The following SH3GL1 variants were observed in gnomAD, a reference collection of about 807,000 sequenced individuals.
SH3GL1 encodes the protein SH3 domain containing GRB2 like 1, endophilin A2, also known as endophilin-A2.
SH3GL1 carries 21 observed loss-of-function variants against 48.8 expected under a neutral mutation model. The ratio of observed to expected loss-of-function variants is 0.43; its 90% CI spans 0.30 to 0.62. The LOEUF (loss-of-function observed/expected upper bound fraction) is 0.62, where lower values mean the gene tolerates loss of function less well. Ranked by LOEUF, SH3GL1 falls within the 20% of genes least tolerant of loss-of-function variation. SH3GL1 has a pLI of 0.11. For synonymous variants in SH3GL1, 282 were observed against 217.5 expected (o/e 1.30, Z -2.61); for missense variants, 454 against 503.0 (o/e 0.90, Z 0.93).
intron 4 of SH3GL1, 33 bp from the exon 5 acceptor site, chr19:4,364,254 C>A (rs371188926): frequency 1.9e-6 from 3 of 1,613,366 alleles, no homozygotes; most frequent in African/African-American, 2.7e-5. Context: ...GCCATCATAC[C>A]GGGCCTGGGA....
chr19:4,395,371 A>G (rs545332361), intron 1 of SH3GL1, among the ~76,000 whole-genome samples: 15 of 152,292 alleles, frequency 9.8e-5, no homozygotes, highest in Admixed American at 3.3e-4. Context: ...TTTCCTCTCA[A>G]AGAGTTCCCT....
Position 4,363,382 on chromosome 19 carries a change from T to G in SH3GL1, c.716A>C (p.Lys239Thr), listed in dbSNP as rs766323957. Reference sequence around the variant, plus strand: ...GCCCTGGGCTCACCTGCGCTTGAGCTTCTCCGCCAGCTCGTCCAGGATCTG... The same window carrying G: ...GCCCTGGGCTCACCTGCGCTTGAGCGTCTCCGCCAGCTCGTCCAGGATCTG... The part of the protein sequence containing the change: ...AVQILDELAE[K>T]LKRRMREASS... Residue 239 changes from lysine (K) to threonine (T), a missense_variant, in exon 7 of 10, where the codon AAG (lysine) becomes ACG (threonine). Lys to Thr is a moderately conservative substitution (Grantham distance 78, BLOSUM62 -1). Transcript: ENST00000269886. The G allele has an allele frequency of 6.2e-7, 1 of 1,605,672 alleles. No homozygotes were observed. Among genetic ancestry groups the G allele is most frequent in the South Asian group, 1.1e-5 (1 of 89,588 alleles).
chr19:4,383,907 G>A (rs1973186008), intron 1 of SH3GL1, among the ~76,000 whole-genome samples: 1 of 152,232 alleles, frequency 6.6e-6, no homozygotes, highest in African/African-American at 2.4e-5. Context: ...AGAAGGCAGT[G>A]TGGCTTTGTT....
intron 1 of SH3GL1, among the ~76,000 whole-genome samples, chr19:4,398,883 T>C (rs1166728573): frequency 6.6e-6 from 1 of 152,200 alleles, no homozygotes; most frequent in Non-Finnish European, 1.5e-5. Context: ...CTAATCCCAC[T>C]GGTGAGCAAA....
chr19:4,364,223 T>C lies in SH3GL1; in HGVS notation c.332-2A>G. 6.2e-7 allele frequency: 1 copy of C among 1,613,792 alleles called. No homozygotes were observed. The highest frequency in any genetic ancestry group is 8.5e-7 in the Non-Finnish European group (1 of 1,179,998). On this transcript the variant is annotated splice_acceptor_variant, in intron 4 of 9. Transcript: ENST00000269886. LOFTEE classifies it high-confidence loss of function. ...CGCCGGCATCCAGCAATGCGTCACC[T>C]GTGGAGAAGTGGTGGGGGAAGCCAT... is the stretch of plus-strand genomic sequence containing the variant.
At chr19:4,393,410 AG>A (rs1413312117) in intron 1 of SH3GL1, among the ~76,000 whole-genome samples, 3 of 152,280 alleles carry the variant, frequency 2.0e-5, no homozygotes, top group African/African-American at 7.2e-5. Flanking sequence ...ACTTGAGTCC[AG>A]GAGTTCAAGA....
chr19:4,363,990 G>A, intron 5 of SH3GL1, 98 bp downstream of exon 5: 2 of 1,604,058 alleles, frequency 1.2e-6, no homozygotes, highest in Non-Finnish European at 1.7e-6. Context: ...CTGAGACCCA[G>A]AGGGCAGTGC....
intron 1 of SH3GL1, chr19:4,390,455 G>A (rs1394735740): frequency 6.6e-6 from 1 of 152,346 alleles, no homozygotes; most frequent in Non-Finnish European, 1.5e-5. Context: ...GAGGTGAGAG[G>A]GCAAAAGAAG....
At chr19:4,395,830 C>T (rs1973415200) in intron 1 of SH3GL1, 3 of 151,614 alleles carry the variant, frequency 2.0e-5, no homozygotes, top group African/African-American at 7.3e-5. Context: ...TCGCTTGAAC[C>T]CGGGAGGCGG....
chr19:4,379,848 C>T (rs1973085890), intron 1 of SH3GL1, among the ~76,000 whole-genome samples: 2 of 152,234 alleles, frequency 1.3e-5, no homozygotes, highest in Admixed American at 6.5e-5. Flanking sequence ...GGGGGGAAAG[C>T]AGCCCTGCCC....
Position 4,363,353 on chromosome 19 carries a change from C to T in SH3GL1, c.728+17G>A, listed in dbSNP as rs749613197. On this transcript the variant is annotated intron_variant, in intron 7 of 9. Coordinates refer to ENST00000269886, the MANE Select transcript of SH3GL1 (RefSeq NM_003025.4). ...ATGGCAGCCCAGACTCTGGAGAGACCAAGGCCCTGGGCTCACCTGCGCTTG... is the reference window on the plus strand; with the variant it reads ...ATGGCAGCCCAGACTCTGGAGAGACTAAGGCCCTGGGCTCACCTGCGCTTG... 1 of 1,577,982 alleles carries T rather than the reference C, an allele frequency of 6.3e-7. No homozygotes were observed. The highest frequency in any genetic ancestry group is 1.8e-5 in the Admixed American group (1 of 55,470).
rs1038146644 is a variant in SH3GL1 at position 4,367,565 on chromosome 19, T to C, written c.46-571A>G. On this transcript the variant is annotated intron_variant, in intron 1 of 9. Coordinates refer to ENST00000269886, the MANE Select transcript of SH3GL1 (RefSeq NM_003025.4). This position sits in a 1 kb window ranked among gnomAD's most constrained non-coding sequence, Gnocchi z 4.2. ...TCTGCAGGATGGGACAGCCCAGCCCTTGCCCCATGTGGACACTGAGTTTCA... is the reference window on the plus strand; with the variant it reads ...TCTGCAGGATGGGACAGCCCAGCCCCTGCCCCATGTGGACACTGAGTTTCA... Among the ~76,000 whole-genome samples the C allele has an allele frequency of 2.0e-5, 3 of 152,150 alleles. No homozygotes were observed. The highest frequency in any genetic ancestry group is 4.4e-5 in the Non-Finnish European group (3 of 68,022).
chr19:4,397,082 G>T (rs1973438969), intron 1 of SH3GL1, among the ~76,000 whole-genome samples: 1 of 152,116 alleles, frequency 6.6e-6, no homozygotes, highest in South Asian at 2.1e-4. Flanking sequence ...ACAGCAGAGG[G>T]TGAAAGAGTT....
Position 4,367,898 on chromosome 19 carries a change from G to A in SH3GL1, c.46-904C>T, listed in dbSNP as rs1599596283. 6.6e-6 allele frequency among the ~76,000 whole-genome samples: 1 copy of A among 152,028 alleles called. No homozygotes were observed. The highest frequency in any genetic ancestry group is 2.4e-5 in the African/African-American group (1 of 41,372). On this transcript the variant is annotated intron_variant, in intron 1 of 9. Transcript: ENST00000269886. This position sits in a 1 kb window ranked among gnomAD's most constrained non-coding sequence, Gnocchi z 4.2. Reference sequence around the variant, plus strand: ...AGGGATGCCGCACAGAGTGAGGATGGACAGTGTGAGGCCCTTCCCAGCACA... The same window carrying A: ...AGGGATGCCGCACAGAGTGAGGATGAACAGTGTGAGGCCCTTCCCAGCACA...
At chr19:4,396,499 T>C (rs574303604) in intron 1 of SH3GL1, among the ~76,000 whole-genome samples, 4 of 152,234 alleles carry the variant, frequency 2.6e-5, no homozygotes, top group African/African-American at 9.6e-5. Flanking sequence ...CTTTTTTTTT[T>C]TTTGAGACGA....
In SH3GL1 at chr19:4,361,555, T is replaced by G; in HGVS notation, c.*45A>C. ...GGAATGCAGGAGACCCAGCAGGGGGTGCCGGCCAGTGTGGACGGAGGGGCG... is the reference window on the plus strand; with the variant it reads ...GGAATGCAGGAGACCCAGCAGGGGGGGCCGGCCAGTGTGGACGGAGGGGCG... On this transcript the variant is annotated 3_prime_UTR_variant, in exon 10 of 10. Transcript: ENST00000269886. The G allele has an allele frequency of 7.0e-7, 1 of 1,425,900 alleles. No homozygotes were observed. The highest frequency in any genetic ancestry group is 2.3e-5 in the East Asian group (1 of 43,028). 88.3% of individuals were successfully genotyped at this position (1,425,900 alleles called of 1,614,324 possible).
At chr19:4,399,959 G>T (rs1395344132) in intron 1 of SH3GL1, among the ~76,000 whole-genome samples, 1 of 152,196 alleles carries the variant, frequency 6.6e-6, no homozygotes, top group African/African-American at 2.4e-5. Context: ...CTTTTCCCTG[G>T]CTCTGGGTTA....
intron 1 of SH3GL1, among the ~76,000 whole-genome samples, chr19:4,385,513 G>T (rs1259357109): frequency 6.6e-6 from 1 of 152,180 alleles, no homozygotes; most frequent in Non-Finnish European, 1.5e-5. Flanking sequence ...ATTGCAGCAG[G>T]CAGACCAAAG....
intron 1 of SH3GL1, among the ~76,000 whole-genome samples, chr19:4,393,646 T>G (rs1973375878): frequency 6.6e-6 from 1 of 151,606 alleles, no homozygotes; most frequent in African/African-American, 2.4e-5. Flanking sequence ...AAAAATGAGC[T>G]GGGCGTGGTG....
Sources: allele counts gnomAD v4.1 joint callset (sites outside exome capture counted in the v4.1 genomes callset), GRCh38; gene constraint gnomAD v4.1.1; non-coding constraint Gnocchi (gnomAD v3.1); transcripts MANE v1.5; gene names NCBI Gene and HGNC (gene_info 2026-07-23, HGNC 2026-07-21).